The following DOCK5 variants were observed in gnomAD, a reference collection of about 807,000 sequenced individuals.
DOCK5 encodes the protein dedicator of cytokinesis protein 5.
DOCK5 carries 142 observed loss-of-function variants against 251.8 expected under a neutral mutation model. That is an observed-to-expected ratio of 0.56 (90% CI 0.49 to 0.65). The LOEUF is 0.65. DOCK5 is among the 30% of genes least tolerant of loss of function. The pLI is 0.00. For synonymous variants in DOCK5, 842 were observed against 835.5 expected (o/e 1.01, Z -0.13); for missense variants, 2,111 against 2,312.3 (o/e 0.91, Z 1.79).
At chr8:25,352,461 C>T (rs1320614249) in intron 27 of DOCK5, among the ~76,000 whole-genome samples, 1 of 152,086 alleles carries the variant, frequency 6.6e-6, no homozygotes, top group Non-Finnish European at 1.5e-5. Context: ...TCTATCTAAA[C>T]AGATGCCGGG....
At chr8:25,287,801 GC>G (rs1804377772) in intron 5 of DOCK5, among the ~76,000 whole-genome samples, 1 of 152,082 alleles carries the variant, frequency 6.6e-6, no homozygotes. Flanking sequence ...GCGGGCCTGG[GC>G]AGTATGGGAT....
chr8:25,357,182 C>A lies in DOCK5; in HGVS notation c.2851-1781C>A, dbSNP rs564252334. Reference sequence around the variant, plus strand: ...AATGAAAGTGCAAAGTGAGATTAAACCTCTGAGTATTAAACCTCAGTGTTA... The same window carrying A: ...AATGAAAGTGCAAAGTGAGATTAAAACTCTGAGTATTAAACCTCAGTGTTA... On this transcript the variant is annotated intron_variant, in intron 27 of 51. Coordinates refer to ENST00000276440, the MANE Select transcript of DOCK5 (RefSeq NM_024940.8). Among the ~76,000 whole-genome samples, 110 of 151,494 alleles carry A rather than the reference C, an allele frequency of 7.3e-4. 1 individual carries two copies. In the South Asian group the frequency reaches 0.022, roughly 30 times the overall value.
chr8:25,398,157 C>G (rs2117330847), intron 45 of DOCK5, among the ~76,000 whole-genome samples: 1 of 152,278 alleles, frequency 6.6e-6, no homozygotes, highest in South Asian at 2.1e-4. Context: ...TTTCAGGGCT[C>G]TCTGCTCCAG....
At chr8:25,321,470 G>A (rs1805422910) in intron 16 of DOCK5, among the ~76,000 whole-genome samples, 1 of 152,090 alleles carries the variant, frequency 6.6e-6, no homozygotes, top group Non-Finnish European at 1.5e-5. Context: ...CCATAATGTA[G>A]AATCAGTGGG....
chr8:25,295,457 AAGT>A (rs1180884473), intron 6 of DOCK5, among the ~76,000 whole-genome samples: 1 of 152,136 alleles, frequency 6.6e-6, no homozygotes, highest in Non-Finnish European at 1.5e-5. Context: ...GAAGAAACCA[AAGT>A]TGTGCAGAAT....
chr8:25,347,163 C>T (rs186219619), intron 26 of DOCK5, among the ~76,000 whole-genome samples: 201 of 152,294 alleles, frequency 1.3e-3, no homozygotes, highest in African/African-American at 4.6e-3. Flanking sequence ...CGTTAGTTCA[C>T]TTGTCAGGGT....
chr8:25,298,515 G>C (rs969258348), intron 7 of DOCK5, among the ~76,000 whole-genome samples: 4 of 152,134 alleles, frequency 2.6e-5, no homozygotes, highest in African/African-American at 4.8e-5. Flanking sequence ...TTTGCTCACT[G>C]CATTTGTCCA....
Position 25,410,161 on chromosome 8 carries a change from A to T in DOCK5, c.5467A>T (p.Lys1823Ter). ...TCCTGTCCCACCTCCACCTCCCCCC[A>T]AAAGCAAGCCCTATGAAGGCAGCCA... ...ATPVPPPPPP[K>*]SKPYEGSQRN... is the part of the protein sequence containing the mutation. The change falls in exon 51 of 52, where the codon AAA becomes TAA. Residue 1823 changes from lysine (K) to a stop codon, truncating the protein, a stop_gained. Transcript: ENST00000276440. LOFTEE classifies it high-confidence loss of function. 6.2e-7 allele frequency: 1 copy of T among 1,613,524 alleles called. No homozygotes were observed. Among genetic ancestry groups the T allele is most frequent in the Non-Finnish European group, 8.5e-7 (1 of 1,179,770 alleles).
chr8:25,258,932 A>C (rs1803494475), intron 2 of DOCK5, among the ~76,000 whole-genome samples: 2 of 152,176 alleles, frequency 1.3e-5, no homozygotes, highest in African/African-American at 4.8e-5. Context: ...CAGCCTGGCC[A>C]ATATGGTGAA....
chr8:25,374,881 A>G (rs952913775), intron 37 of DOCK5: 4 of 1,354,144 alleles, frequency 3.0e-6, no homozygotes, highest in African/African-American at 3.0e-5. Flanking sequence ...AGCACGACTT[A>G]TGAACCTTTG....
At chr8:25,313,676 A>C (rs762017179) in intron 13 of DOCK5, among the ~76,000 whole-genome samples, 7 of 152,218 alleles carry the variant, frequency 4.6e-5, no homozygotes, top group Non-Finnish European at 7.3e-5. Flanking sequence ...AGGTGACAGC[A>C]GGGATGGCTT....
Position 25,189,887 on chromosome 8 carries a change from C to A in DOCK5, c.43+4936C>A, listed in dbSNP as rs1003666046. Among the ~76,000 whole-genome samples the A allele has an allele frequency of 3.3e-5, 5 of 152,114 alleles. No individual in the cohort carries two copies. In the South Asian group the frequency reaches 6.2e-4, roughly 19 times the overall value. On this transcript the variant is annotated intron_variant, in intron 1 of 51. Coordinates refer to ENST00000276440, the MANE Select transcript of DOCK5 (RefSeq NM_024940.8). Reference sequence around the variant, plus strand: ...TGGGCTTTTGTTGTGTTTTTGTTTGCTTATTTGTTTGTATTTTGAGATGGA... The same window carrying A: ...TGGGCTTTTGTTGTGTTTTTGTTTGATTATTTGTTTGTATTTTGAGATGGA...
At chr8:25,364,941 A>G (rs1183137830) in intron 30 of DOCK5, among the ~76,000 whole-genome samples, 2 of 152,198 alleles carry the variant, frequency 1.3e-5, no homozygotes, top group Non-Finnish European at 1.5e-5. Context: ...TTAAAGAGTA[A>G]TAGTAGAAGA....
intron 28 of DOCK5, 76 bp from the exon 29 acceptor site, chr8:25,362,971 C>G (rs1800713110): frequency 1.8e-6 from 2 of 1,084,072 alleles, no homozygotes; most frequent in African/African-American, 1.6e-5. Context: ...GGTTGTGGTT[C>G]TGCTTGTATA....
intron 18 of DOCK5, 97 bp downstream of exon 18, chr8:25,325,644 T>A (rs1414484834): frequency 5.2e-5 from 74 of 1,419,720 alleles, no homozygotes; most frequent in Non-Finnish European, 6.6e-5. Context: ...TGGGGCTGGG[T>A]CTTATTAGGT....
intron 48 of DOCK5, among the ~76,000 whole-genome samples, chr8:25,403,930 C>CT (rs1255420527): frequency 6.6e-6 from 1 of 152,208 alleles, no homozygotes; most frequent in South Asian, 2.1e-4. Flanking sequence ...TCCTACCACA[C>CT]TATTACATAC....
At chr8:25,254,037 G>C (rs549833140) in intron 2 of DOCK5, among the ~76,000 whole-genome samples, 1 of 152,322 alleles carries the variant, frequency 6.6e-6, no homozygotes, top group Non-Finnish European at 1.5e-5. Context: ...CAGAACACTA[G>C]ACAAACAAAT....
chr8:25,332,652 C>A lies in DOCK5; in HGVS notation c.2051C>A (p.Ser684Ter). The A allele has an allele frequency of 6.2e-7, 1 of 1,612,606 alleles. No homozygotes were observed. Among genetic ancestry groups the A allele is most frequent in the South Asian group, 1.1e-5 (1 of 90,830 alleles). ...CTCTTTAACATAATGATGGAAATGT[C>A]AGACAGTGAAACCTATGACTTCCTT... ...DALFNIMMEM[S>*]DSETYDFLVF... The change falls in exon 20 of 52, where the codon TCA (serine) becomes TAA (stop). Residue 684 changes from serine to a stop codon, truncating the protein, a stop_gained. Coordinates refer to ENST00000276440, the MANE Select transcript of DOCK5 (RefSeq NM_024940.8). LOFTEE classifies it high-confidence loss of function.
chr8:25,198,502 G>C (rs550488381), intron 1 of DOCK5, among the ~76,000 whole-genome samples: 5 of 151,974 alleles, frequency 3.3e-5, no homozygotes, highest in Non-Finnish European at 5.9e-5. Flanking sequence ...AACCCGGGAG[G>C]CAGACGTTGC....
Sources: allele counts gnomAD v4.1 joint callset (sites outside exome capture counted in the v4.1 genomes callset), GRCh38; gene constraint gnomAD v4.1.1; transcripts MANE v1.5; gene names NCBI Gene and HGNC (gene_info 2026-07-23, HGNC 2026-07-21).